Variants in SLIT3 observed in about 807,000 individuals in gnomAD.
SLIT3 encodes the protein slit homolog 3 protein.
SLIT3 carries 68 observed loss-of-function variants against 184.0 expected under a neutral mutation model. The observed-to-expected ratio is 0.37, with a 90% CI of 0.30 to 0.45. The LOEUF is 0.45. SLIT3 is among the 20% of genes least tolerant of loss of function. The pLI is 1.00. For synonymous variants in SLIT3, 831 were observed against 828.6 expected (o/e 1.00, Z -0.05); for missense variants, 1,707 against 2,026.0 (o/e 0.84, Z 3.02).
chr5:169,277,299 T>C lies in SLIT3; in HGVS notation c.197+23214A>G, dbSNP rs1233872683. Among the ~76,000 whole-genome samples the C allele has an allele frequency of 2.6e-5, 4 of 152,212 alleles. No individual in the cohort carries two copies. The East Asian group carries it at 5.8e-4, about 22-fold the overall frequency. ...AGGCTGGAATGCAGTGGCATGATCA[T>C]GGCTCACCATAGCCTCTACCTCCTG... On this transcript the variant is annotated intron_variant, in intron 1 of 35. Transcript: ENST00000519560.
intron 4 of SLIT3, among the ~76,000 whole-genome samples, chr5:169,051,316 T>C (rs1051739394): frequency 2.6e-5 from 4 of 152,022 alleles, no homozygotes; most frequent in East Asian, 1.9e-4. Flanking sequence ...CAAGATACTG[T>C]GAGGCTGTAT....
At chr5:168,904,490 A>AATG (rs1333627509) in intron 4 of SLIT3, among the ~76,000 whole-genome samples, 5 of 12,878 alleles carry the variant, frequency 3.9e-4, no homozygotes, top group Non-Finnish European at 3.3e-3. Flanking sequence ...TAGAAATAAC[A>AATG]ATAATAATAA....
Position 169,067,386 on chromosome 5 carries a change from T to C in SLIT3, c.413+126093A>G, listed in dbSNP as rs370868923. Among the ~76,000 whole-genome samples, 103 of 152,058 alleles carry C rather than the reference T, an allele frequency of 6.8e-4. No homozygotes were observed. In the South Asian group the frequency reaches 0.021, roughly 31 times the overall value. ...ACACCATTGCACTTCAGCCTGGCCA[T>C]CTCAGCGAGACTCCACCTCAAAAAA... On this transcript the variant is annotated intron_variant, in intron 4 of 35. Coordinates refer to ENST00000519560, the MANE Select transcript of SLIT3 (RefSeq NM_003062.4).
chr5:168,905,070 G>T (rs1282036795), intron 4 of SLIT3, among the ~76,000 whole-genome samples: 1 of 152,256 alleles, frequency 6.6e-6, no homozygotes, highest in South Asian at 2.1e-4. Flanking sequence ...CCAGCTACTT[G>T]GGAGGCTGAG....
At chr5:169,121,651 A>T (rs1760876794) in intron 4 of SLIT3, among the ~76,000 whole-genome samples, 1 of 152,212 alleles carries the variant, frequency 6.6e-6, no homozygotes, top group Non-Finnish European at 1.5e-5. Flanking sequence ...TGCCATTATC[A>T]TAAAAAATGG....
chr5:168,987,402 A>T (rs1425890538), intron 4 of SLIT3, among the ~76,000 whole-genome samples: 1 of 152,192 alleles, frequency 6.6e-6, no homozygotes, highest in East Asian at 1.9e-4. Context: ...CTAGTGGTCC[A>T]GACCATGAGC....
intron 5 of SLIT3, among the ~76,000 whole-genome samples, chr5:168,850,966 G>C (rs573711927): frequency 6.6e-6 from 1 of 152,110 alleles, no homozygotes; most frequent in Non-Finnish European, 1.5e-5. Context: ...CCTGTATATT[G>C]GGCTTTTGGC....
At position 168,957,478 on chromosome 5, in the gene SLIT3, G is replaced by C. The variant is rs533567122; in HGVS notation, c.414-74142C>G. ...TCACTTTGGACATACATCCCCCAGG[G>C]GATCCTCTGAACATGCAGATTCTGG... On this transcript the variant is annotated intron_variant, in intron 4 of 35. Coordinates refer to ENST00000519560, the MANE Select transcript of SLIT3 (RefSeq NM_003062.4). 7.2e-5 allele frequency among the ~76,000 whole-genome samples: 11 copies of C among 152,280 alleles called. No homozygotes were observed. The South Asian group carries it at 1.7e-3, about 23-fold the overall frequency.
chr5:168,662,828 C>T lies in SLIT3; in HGVS notation c.*3626G>A, dbSNP rs1343904161. 2.6e-5 allele frequency: 4 copies of T among 152,216 alleles called. No individual in the cohort carries two copies. Among genetic ancestry groups the T allele is most frequent in the Non-Finnish European group, 5.9e-5 (4 of 68,058 alleles). The allele number at this position is 152,216 out of a possible 1,614,324, so 9.4% of individuals were successfully genotyped here. On this transcript the variant is annotated 3_prime_UTR_variant, in exon 36 of 36. Coordinates refer to ENST00000519560, the MANE Select transcript of SLIT3 (RefSeq NM_003062.4). ...ACACAAACACTGAACCACACTTTTT[C>T]AGGAGCAAATTAACTGAACTCTTCC... is the stretch of plus-strand genomic sequence containing the variant.
At chr5:169,138,541 G>C (rs1024654267) in intron 4 of SLIT3, among the ~76,000 whole-genome samples, 4 of 152,108 alleles carry the variant, frequency 2.6e-5, no homozygotes, top group African/African-American at 9.7e-5. Context: ...CTCTGGGAAA[G>C]TGATCTAAGA....
chr5:168,833,004 A>C (rs1258324349), intron 6 of SLIT3, among the ~76,000 whole-genome samples: 2 of 152,152 alleles, frequency 1.3e-5, no homozygotes, highest in Non-Finnish European at 2.9e-5. Context: ...CTACACTGCA[A>C]CTCCCAAAGG....
chr5:168,741,048 G>A (rs774218673), intron 20 of SLIT3, among the ~76,000 whole-genome samples: 10 of 152,190 alleles, frequency 6.6e-5, no homozygotes, highest in Non-Finnish European at 1.3e-4. Flanking sequence ...CATGACCCCA[G>A]CTCAAACTCA....
intron 32 of SLIT3, among the ~76,000 whole-genome samples, chr5:168,681,422 C>T (rs905164574): frequency 6.6e-6 from 1 of 152,208 alleles, no homozygotes; most frequent in African/African-American, 2.4e-5. Flanking sequence ...TGTTTGGAAG[C>T]AAAATCATTT....
rs79351837 is a variant in SLIT3 at position 168,781,242 on chromosome 5, C to T, written c.1151+4665G>A. On this transcript the variant is annotated intron_variant, in intron 12 of 35. Coordinates refer to ENST00000519560, the MANE Select transcript of SLIT3 (RefSeq NM_003062.4). The stretch of plus-strand genomic sequence containing the variant: ...GGGAAACAGATGAAAGCTGAGATTC[C>T]TAGAGACCAGAGAGGGAGAACTATT... Among the ~76,000 whole-genome samples the T allele has an allele frequency of 6.1e-3, 933 of 152,304 alleles. 9 individuals carry two copies. Among genetic ancestry groups the T allele is most frequent in the Non-Finnish European group, 9.1e-3 (617 of 68,026 alleles).
chr5:169,172,625 G>A (rs10516061), intron 4 of SLIT3, among the ~76,000 whole-genome samples: 14,376 of 152,150 alleles, frequency 0.094, 842 homozygotes, highest in South Asian at 0.15. Context: ...CGCACATCTA[G>A]ACATTTGGGA....
intron 1 of SLIT3, among the ~76,000 whole-genome samples, chr5:169,282,805 C>T (rs1767034495): frequency 6.6e-6 from 1 of 152,182 alleles, no homozygotes; most frequent in Non-Finnish European, 1.5e-5. Flanking sequence ...ACATATCTTA[C>T]CTCATTTATT....
At chr5:168,803,617 C>T (rs1216575642) in intron 9 of SLIT3, among the ~76,000 whole-genome samples, 5 of 152,064 alleles carry the variant, frequency 3.3e-5, no homozygotes, top group Non-Finnish European at 7.4e-5. Context: ...AGGCCCAGAG[C>T]CCCTCAATCA....
intron 10 of SLIT3, among the ~76,000 whole-genome samples, chr5:168,792,648 A>T (rs72827653): frequency 0.11 from 17,186 of 152,188 alleles, 1,044 homozygotes; most frequent in Middle Eastern, 0.15. Context: ...TAAGAGCATG[A>T]AAGAGAAAAG....
chr5:168,887,581 T>C (rs565543060), intron 4 of SLIT3, among the ~76,000 whole-genome samples: 6 of 152,308 alleles, frequency 3.9e-5, no homozygotes, highest in Non-Finnish European at 7.3e-5. Context: ...ATTTGCACAT[T>C]AGTTGTGTGA....
Sources: gnomAD v4.1 joint callset for allele counts (sites outside exome capture counted in the v4.1 genomes callset) on GRCh38, gnomAD v4.1.1 for gene constraint, MANE v1.5 for transcripts, NCBI Gene and HGNC (gene_info 2026-07-23, HGNC 2026-07-21) for gene names.